The following VWA3B variants were observed in gnomAD, a reference collection of about 807,000 sequenced individuals.
VWA3B encodes the protein von Willebrand factor A domain-containing protein 3B.
Under a neutral mutation model 158.3 loss-of-function variants are expected in VWA3B, and 138 were observed. The observed-to-expected ratio is 0.87, with a 90% CI of 0.76 to 1.00. VWA3B has a LOEUF of 1.00. Ranked by LOEUF, VWA3B falls within the 50% of genes least tolerant of loss-of-function variation. The pLI is 0.00. For synonymous variants in VWA3B, 596 were observed against 587.3 expected, an observed-to-expected ratio of 1.01 and a Z score of -0.21; for missense variants, 1,555 against 1,565.1, an observed-to-expected ratio of 0.99 and a Z score of 0.11.
chr2:98,188,754 C>T (rs1030383886), intron 10 of VWA3B, among the ~76,000 whole-genome samples: 4 of 152,154 alleles, frequency 2.6e-5, no homozygotes, highest in Admixed American at 6.5e-5. Flanking sequence ...GCCAACAAAA[C>T]ATTGTTAAGT....
At chr2:98,102,538 G>A (rs1683159453) in intron 2 of VWA3B, among the ~76,000 whole-genome samples, 1 of 152,090 alleles carries the variant, frequency 6.6e-6, no homozygotes, top group Non-Finnish European at 1.5e-5. Flanking sequence ...GCCAGGCAGA[G>A]GCGCTCCTCA....
chr2:98,131,449 C>A (rs1363794444), intron 6 of VWA3B, among the ~76,000 whole-genome samples: 1 of 152,186 alleles, frequency 6.6e-6, no homozygotes, highest in South Asian at 2.1e-4. Flanking sequence ...ACTTCCTTTT[C>A]TTTGGGTAAA....
chr2:98,119,887 T>C, intron 4 of VWA3B, 124 bp downstream of exon 4: 1 of 1,221,474 alleles, frequency 8.2e-7, no homozygotes, highest in South Asian at 1.5e-5. Context: ...ATCTTATACT[T>C]TCCTAGAAGA....
intron 14 of VWA3B, 77 bp downstream of exon 14, chr2:98,218,105 T>G: frequency 1.4e-6 from 2 of 1,445,076 alleles, no homozygotes; most frequent in Non-Finnish European, 1.8e-6. Flanking sequence ...GGTAATACCT[T>G]CGTTGGGAAA....
chr2:98,117,748 C>CTTTTT (rs35080840), intron 3 of VWA3B, among the ~76,000 whole-genome samples: 2 of 119,468 alleles, frequency 1.7e-5, no homozygotes, highest in Non-Finnish European at 3.4e-5. Flanking sequence ...CTTAAATTAC[C>CTTTTT]TTTTTTTTTT....
intron 7 of VWA3B, among the ~76,000 whole-genome samples, chr2:98,159,941 C>T: frequency 6.6e-6 from 1 of 150,802 alleles, no homozygotes; most frequent in South Asian, 2.1e-4. Flanking sequence ...ACCTGGGAGG[C>T]AGAGGTTGCA....
chr2:98,183,480 A>G (rs541459646), intron 9 of VWA3B, among the ~76,000 whole-genome samples: 3 of 152,324 alleles, frequency 2.0e-5, no homozygotes, highest in East Asian at 3.9e-4. Context: ...CAGTTCAAAG[A>G]TGATGAACAA....
intron 14 of VWA3B, among the ~76,000 whole-genome samples, chr2:98,225,683 A>G (rs1474417790): frequency 6.6e-6 from 1 of 151,380 alleles, no homozygotes; most frequent in Non-Finnish European, 1.5e-5. Flanking sequence ...TATTATCTAC[A>G]TAGAAAACCC....
rs1354640651 is a variant in VWA3B, at chr2:98,121,398, GCTGA to G, written c.646_649del (p.Thr216Ter). The G allele has an allele frequency of 1.2e-6, 2 of 1,614,112 alleles. No individual in the cohort carries two copies. Among genetic ancestry groups the G allele is most frequent in the Non-Finnish European group, 1.7e-6 (2 of 1,180,054 alleles). On this transcript the variant is annotated frameshift_variant, in exon 5 of 28. Transcript: ENST00000477737. LOFTEE classifies it high-confidence loss of function. ...GTTGGGTTGAGAAACTGACGGTTGA[GCTGA>G]CTGTGAGCGAGGCTGGCCGCCTGGA...
At chr2:98,094,665 G>A (rs1466144344) in intron 2 of VWA3B, among the ~76,000 whole-genome samples, 1 of 151,938 alleles carries the variant, frequency 6.6e-6, no homozygotes, top group Non-Finnish European at 1.5e-5. Flanking sequence ...TTTGTTGCCT[G>A]TGCTTTTGAG....
chr2:98,256,254 AATGC>A, intron 21 of VWA3B, 80 bp downstream of exon 21: 1 of 1,438,096 alleles, frequency 7.0e-7, no homozygotes, highest in South Asian at 1.3e-5. Flanking sequence ...TAAAGTGTAC[AATGC>A]AGAGGTATTT....
chr2:98,115,136 C>A (rs1674426703), intron 2 of VWA3B, among the ~76,000 whole-genome samples: 1 of 145,610 alleles, frequency 6.9e-6, no homozygotes, highest in Non-Finnish European at 1.5e-5. Context: ...GTTGTAATTA[C>A]TCTGGACCAA....
chr2:98,104,988 CAG>C (rs1428119735), intron 2 of VWA3B, among the ~76,000 whole-genome samples: 2 of 152,110 alleles, frequency 1.3e-5, no homozygotes, highest in African/African-American at 2.4e-5. Context: ...TCTCACAATT[CAG>C]AGTCATAATT....
chr2:98,324,635 A>C, the VWA3B span, among the ~76,000 whole-genome samples: 1 of 152,342 alleles, frequency 6.6e-6, no homozygotes, highest in South Asian at 2.1e-4. Flanking sequence ...AATGTAACAG[A>C]ATTCAGAGTC....
At chr2:98,254,391 TG>T (rs1686982682) in intron 20 of VWA3B, among the ~76,000 whole-genome samples, 1 of 152,176 alleles carries the variant, frequency 6.6e-6, no homozygotes, top group African/African-American at 2.4e-5. Flanking sequence ...ATGGGTTTTT[TG>T]TTCGTTTGCT....
At chr2:98,187,832 T>G in intron 9 of VWA3B, 143 bp from the exon 10 acceptor site, 2 of 845,652 alleles carry the variant, frequency 2.4e-6, no homozygotes, top group Middle Eastern at 7.1e-4. Flanking sequence ...GCGGAACATA[T>G]TTGGTTGAAC....
intron 7 of VWA3B, among the ~76,000 whole-genome samples, chr2:98,135,480 C>A (rs1041315595): frequency 7.4e-5 from 11 of 148,756 alleles, no homozygotes; most frequent in Non-Finnish European, 9.0e-5. Context: ...GGACTACAGG[C>A]GCCCGCCACT....
At chr2:98,168,137 A>G (rs1345031380) in intron 8 of VWA3B, among the ~76,000 whole-genome samples, 1 of 152,216 alleles carries the variant, frequency 6.6e-6, no homozygotes. Flanking sequence ...ACATCAATCA[A>G]TCAAAACTGA....
At chr2:98,164,745 T>A (rs1678923820) in intron 8 of VWA3B, among the ~76,000 whole-genome samples, 1 of 152,238 alleles carries the variant, frequency 6.6e-6, no homozygotes, top group African/African-American at 2.4e-5. Flanking sequence ...CTTCTTGGTG[T>A]TTGATGGGTT....
Sources: gnomAD v4.1 joint callset for allele counts (sites outside exome capture counted in the v4.1 genomes callset) on GRCh38, gnomAD v4.1.1 for gene constraint, MANE v1.5 for transcripts, NCBI Gene and HGNC (gene_info 2026-07-23, HGNC 2026-07-21) for gene names.